Variants in RASGEF1B observed in about 807,000 individuals in gnomAD.
The protein encoded by RASGEF1B is RasGEF domain family member 1B.
RASGEF1B carries 30 observed loss-of-function variants against 65.7 expected under a neutral mutation model. The ratio of observed to expected loss-of-function variants is 0.46; its 90% CI spans 0.34 to 0.62. The LOEUF is 0.62. Among genes scored for constraint, RASGEF1B ranks in the 20% least tolerant of loss-of-function variants. The pLI, the probability that RASGEF1B is intolerant of heterozygous loss-of-function variation, is 0.01. For synonymous variants in RASGEF1B, 175 were observed against 194.8 expected, an observed-to-expected ratio of 0.90 and a Z score of 0.85; for missense variants, 495 against 580.1, an observed-to-expected ratio of 0.85 and a Z score of 1.51.
At chr4:81,454,410 A>G (rs1265030982) in intron 4 of RASGEF1B, 1 of 152,240 alleles carries the variant, frequency 6.6e-6, no homozygotes, top group Non-Finnish European at 1.5e-5. Flanking sequence ...AATGTTAAGT[A>G]GCTAAAGACA....
intron 1 of RASGEF1B, among the ~76,000 whole-genome samples, chr4:81,463,812 G>T (rs532902905): frequency 2.6e-5 from 4 of 152,152 alleles, no homozygotes; most frequent in South Asian, 2.1e-4. Context: ...TGATGTCTGG[G>T]TCTTTTATTC....
In RASGEF1B at chr4:81,448,115, CA is replaced by C; in HGVS notation, c.607del (p.Cys203AlafsTer11). On this transcript the variant is annotated frameshift_variant, in exon 5 of 14. Transcript: ENST00000264400. LOFTEE classifies it high-confidence loss of function. ...CTGGGCCAACGTGTAAGGGTCGTTGCAGACAGTAATGATATCCCTTTGTATA... is the reference window on the plus strand; with the variant it reads ...CTGGGCCAACGTGTAAGGGTCGTTGCGACAGTAATGATATCCCTTTGTATA... ...QSIQRDIITV[C>X]NDPYTLAQQL... The C allele has an allele frequency of 6.2e-7, 1 of 1,614,144 alleles. No individual in the cohort carries two copies. The highest frequency in any genetic ancestry group is 1.1e-5 in the South Asian group (1 of 91,078).
intron 4 of RASGEF1B, chr4:81,453,007 A>G (rs1383853484): frequency 6.6e-6 from 1 of 151,822 alleles, no homozygotes; most frequent in Non-Finnish European, 1.5e-5. Flanking sequence ...AAAAGGAGAA[A>G]AAAAAAAAAA....
chr4:81,432,140 TAGTG>T (rs1158071170), intron 13 of RASGEF1B, among the ~76,000 whole-genome samples, 155 bp downstream of exon 13: 3 of 152,210 alleles, frequency 2.0e-5, no homozygotes, highest in African/African-American at 7.2e-5. Flanking sequence ...AGAATGATGG[TAGTG>T]AGAATTCTGA....
chr4:81,436,153 A>G (rs1721626791), intron 10 of RASGEF1B, among the ~76,000 whole-genome samples: 2 of 152,144 alleles, frequency 1.3e-5, no homozygotes, highest in South Asian at 4.1e-4. Context: ...TTAGACTTCT[A>G]CATTTAAGAT....
chr4:81,446,535 G>T (rs1722029150), intron 6 of RASGEF1B, among the ~76,000 whole-genome samples: 1 of 152,168 alleles, frequency 6.6e-6, no homozygotes, highest in Non-Finnish European at 1.5e-5. Context: ...GCAAAAAATG[G>T]CTAAGAGTAC....
rs1258036624 is a variant in RASGEF1B at position 81,427,078 on chromosome 4, T to C, written c.*690A>G. On this transcript the variant is annotated 3_prime_UTR_variant, in exon 14 of 14. Transcript: ENST00000264400. ...TTTATTTTCTTTCTAGTGGCTATTTTCCTACCACAGTGTTGAGCTTCATTA... is the reference window on the plus strand; with the variant it reads ...TTTATTTTCTTTCTAGTGGCTATTTCCCTACCACAGTGTTGAGCTTCATTA... 1 of 152,396 alleles carries C rather than the reference T, an allele frequency of 6.6e-6. No homozygotes were observed. The highest frequency in any genetic ancestry group is 1.5e-5 in the Non-Finnish European group (1 of 67,988). The allele number at this position is 152,396 out of a possible 1,614,324, so 9.4% of individuals were successfully genotyped here.
At chr4:81,469,663 A>ACACT (rs1722958062) in intron 1 of RASGEF1B, among the ~76,000 whole-genome samples, 1 of 152,112 alleles carries the variant, frequency 6.6e-6, no homozygotes, top group African/African-American at 2.4e-5. Context: ...ATACACACAC[A>ACACT]CACACACACA....
chr4:81,456,860 GA>G, intron 3 of RASGEF1B, 72 bp from the exon 4 acceptor site: 3 of 1,317,646 alleles, frequency 2.3e-6, no homozygotes, highest in Non-Finnish European at 3.1e-6. Flanking sequence ...TAGTTACAAA[GA>G]GCGTCACTGA....
At chr4:81,447,436 T>C in intron 6 of RASGEF1B, 68 bp downstream of exon 6, 1 of 1,149,972 alleles carries the variant, frequency 8.7e-7, no homozygotes, top group Non-Finnish European at 1.3e-6. Context: ...CCGTCCTTTA[T>C]ACCCACTATC....
intron 10 of RASGEF1B, among the ~76,000 whole-genome samples, chr4:81,440,598 AG>A (rs996192125): frequency 1.2e-4 from 18 of 152,210 alleles, no homozygotes; most frequent in African/African-American, 4.3e-4. Context: ...CACAATTAAG[AG>A]GCACTACAGA....
At chr4:81,440,394 T>C (rs1721794072) in intron 10 of RASGEF1B, among the ~76,000 whole-genome samples, 1 of 152,308 alleles carries the variant, frequency 6.6e-6, no homozygotes, top group South Asian at 2.1e-4. Flanking sequence ...CCTAATGCTA[T>C]AGCAACTAAC....
chr4:81,466,780 A>AAGAAAGAAAGAAAGAG lies in RASGEF1B; in HGVS notation c.-7+4989_-7+4990insCTCTTTCTTTCTTTCT, dbSNP rs1722838517. On this transcript the variant is annotated intron_variant, in intron 1 of 13. Coordinates refer to ENST00000264400, the MANE Select transcript of RASGEF1B (RefSeq NM_152545.3). The stretch of plus-strand genomic sequence containing the variant: ...TGTCAAAAAAAAAAAAAAAGAAAGA[A>AAGAAAGAAAGAAAGAG]AGAAAGAAAGAAAGAAAGAAAGAAA... Among the ~76,000 whole-genome samples the AAGAAAGAAAGAAAGAG allele has an allele frequency of 4.2e-5, 6 of 141,778 alleles. No homozygotes were observed. The South Asian group carries it at 7.0e-4, about 17-fold the overall frequency. 93.0% of individuals were successfully genotyped at this position (141,778 alleles called of 152,430 possible). A position where few individuals can be genotyped will look rare whatever the true frequency, so the allele number is the denominator to read the frequency against.
At chr4:81,439,274 T>A (rs1721753883) in intron 10 of RASGEF1B, among the ~76,000 whole-genome samples, 1 of 152,224 alleles carries the variant, frequency 6.6e-6, no homozygotes, top group African/African-American at 2.4e-5. Context: ...TTCTTGACTT[T>A]TTAATAATTG....
intron 8 of RASGEF1B, among the ~76,000 whole-genome samples, chr4:81,443,727 C>T (rs1221227617): frequency 6.6e-6 from 1 of 152,188 alleles, no homozygotes; most frequent in Non-Finnish European, 1.5e-5. Context: ...ATGAATAAAG[C>T]TGTGTTCTTT....
chr4:81,432,120 A>T (rs1475426682), intron 13 of RASGEF1B, among the ~76,000 whole-genome samples, 179 bp downstream of exon 13: 1 of 152,234 alleles, frequency 6.6e-6, no homozygotes, highest in Non-Finnish European at 1.5e-5. Flanking sequence ...AAAATGAAAG[A>T]CAATAAAGCA....
intron 8 of RASGEF1B, among the ~76,000 whole-genome samples, chr4:81,442,704 T>C (rs1282695888): frequency 6.6e-6 from 1 of 152,250 alleles, no homozygotes; most frequent in Non-Finnish European, 1.5e-5. Context: ...CATCCAGTTA[T>C]GTAGATAACT....
At chr4:81,463,487 T>C (rs984007387) in intron 1 of RASGEF1B, among the ~76,000 whole-genome samples, 1 of 152,208 alleles carries the variant, frequency 6.6e-6, no homozygotes, top group Non-Finnish European at 1.5e-5. Context: ...GTGTGTACTT[T>C]ATAGATTTCC....
At position 81,434,706 on chromosome 4, in the gene RASGEF1B, A is replaced by G. The variant is rs773062435; in HGVS notation, c.1133T>C (p.Ile378Thr). ...KIVIPFFSLL[I>T]KDIYFLNEGC... ...CTCATTGAGGAAATAAATATCTTTG[A>G]TTAAGAGACTGAAGAATGGTATCAC... Residue 378 changes from isoleucine (I) to threonine (T), a missense_variant, in exon 11 of 14, where the codon ATC becomes ACC. Coordinates refer to ENST00000264400, the MANE Select transcript of RASGEF1B (RefSeq NM_152545.3). The G allele has an allele frequency of 1.3e-6, 2 of 1,599,524 alleles. No individual in the cohort carries two copies. The highest frequency in any genetic ancestry group is 2.2e-5 in the South Asian group (2 of 90,660).
Sources: gnomAD v4.1 joint callset for allele counts (sites outside exome capture counted in the v4.1 genomes callset) on GRCh38, gnomAD v4.1.1 for gene constraint, MANE v1.5 for transcripts, NCBI Gene and HGNC (gene_info 2026-07-23, HGNC 2026-07-21) for gene names.